The following NAA20 variants were observed in gnomAD, a reference collection of about 807,000 sequenced individuals.
The protein encoded by NAA20 is N-alpha-acetyltransferase 20, NatB catalytic subunit, also known as N-alpha-acetyltransferase 20.
Under a neutral mutation model 23.8 loss-of-function variants are expected in NAA20, and 24 were observed. The observed-to-expected ratio is 1.01, with a 90% confidence interval of 0.73 to 1.42. The LOEUF (loss-of-function observed/expected upper bound fraction) is 1.42. Ranked by LOEUF, NAA20 falls within the 40% of genes most tolerant of loss-of-function variation. The pLI is 0.00. For synonymous variants in NAA20, 83 were observed against 77.7 expected (o/e 1.07, Z -0.36); for missense variants, 166 against 223.1 (o/e 0.74, Z 1.63).
At chr20:20,024,150 C>A (rs138085364) in intron 2 of NAA20, among the ~76,000 whole-genome samples, 43 of 152,332 alleles carry the variant, frequency 2.8e-4, no homozygotes, top group African/African-American at 9.1e-4. Context: ...AAAAAGTTTG[C>A]TAACCCCTGA....
At chr20:20,022,974 A>T (rs6046542) in intron 2 of NAA20, among the ~76,000 whole-genome samples, 38,176 of 152,094 alleles carry the variant, frequency 0.25, 7,388 homozygotes, top group East Asian at 0.72. Flanking sequence ...GGCAGCAGAA[A>T]CAGCAGAGGG....
intron 1 of NAA20, chr20:20,017,960 C>T: frequency 1.9e-6 from 3 of 1,613,794 alleles, no homozygotes; most frequent in South Asian, 2.2e-5. Flanking sequence ...GTGAAGCCCA[C>T]CTGGTGGCCG....
chr20:20,029,798 A>G (rs977070455), intron 4 of NAA20, among the ~76,000 whole-genome samples: 1 of 152,208 alleles, frequency 6.6e-6, no homozygotes, highest in Non-Finnish European at 1.5e-5. Flanking sequence ...TCAAGCCTAT[A>G]GAACAAGAAT....
chr20:20,029,509 C>T (rs545918911), intron 4 of NAA20, among the ~76,000 whole-genome samples: 2 of 151,034 alleles, frequency 1.3e-5, no homozygotes, highest in African/African-American at 4.9e-5. Flanking sequence ...CCCAGCTACT[C>T]GGGAGGCTGA....
At chr20:20,026,059 C>T (rs565203702) in intron 3 of NAA20, among the ~76,000 whole-genome samples, 126 of 152,140 alleles carry the variant, frequency 8.3e-4, no homozygotes, top group African/African-American at 2.9e-3. Context: ...AATCCCAACA[C>T]TTTGGAAGGC....
intron 4 of NAA20, 128 bp from the exon 5 acceptor site, chr20:20,032,380 G>A (rs1313265824): frequency 2.6e-6 from 2 of 764,458 alleles, no homozygotes; most frequent in Non-Finnish European, 4.0e-6. Context: ...CAGCTACAAG[G>A]TCCTATTACT....
At chr20:20,017,498 CCCGGCCCCGCCAGCT>C in intron 1 of NAA20, 49 bp downstream of exon 1, 1 of 1,544,314 alleles carries the variant, frequency 6.5e-7, no homozygotes, top group Non-Finnish European at 8.7e-7. Flanking sequence ...GGCCTCGCTT[CCCGGCCCCGCCAGCT>C]CCGGCCCCAG....
intron 2 of NAA20, among the ~76,000 whole-genome samples, chr20:20,024,325 G>C (rs2043292810): frequency 6.6e-6 from 1 of 152,118 alleles, no homozygotes; most frequent in Non-Finnish European, 1.5e-5. Flanking sequence ...CCATTGTCAG[G>C]ATACAGGCTA....
At chr20:20,024,087 A>G (rs2043290893) in intron 2 of NAA20, among the ~76,000 whole-genome samples, 2 of 152,240 alleles carry the variant, frequency 1.3e-5, no homozygotes, top group South Asian at 4.1e-4. Flanking sequence ...GTAGTTCAGC[A>G]GGGACTGTAT....
At chr20:20,017,545 C>T in intron 1 of NAA20, 96 bp downstream of exon 1, 1 of 1,468,182 alleles carries the variant, frequency 6.8e-7, no homozygotes, top group Non-Finnish European at 9.1e-7. Flanking sequence ...CGGCCGGACC[C>T]CAAGCCCGGA....
chr20:20,033,000 TG>T, intron 5 of NAA20, 101 bp from the exon 6 acceptor site: 2 of 909,702 alleles, frequency 2.2e-6, no homozygotes, highest in South Asian at 1.5e-5. Context: ...TATGGTGAAG[TG>T]GGGGTAGGGA....
In NAA20 at chr20:20,033,362, C is replaced by A. The variant is rs2043362492; in HGVS notation, c.*175C>A. ...TCTCATTGTTTCCAGTTAGCAATAT[C>A]ATACCTATTAAAGCTGTTCATTGTA... On this transcript the variant is annotated 3_prime_UTR_variant, in exon 6 of 6. Transcript: ENST00000334982. 1.8e-6 allele frequency: 1 copy of A among 569,356 alleles called. No homozygotes were observed. Among genetic ancestry groups the A allele is most frequent in the South Asian group, 2.6e-5 (1 of 39,210 alleles). 35.3% of individuals were successfully genotyped at this position (569,356 alleles called of 1,614,324 possible). A position where few individuals can be genotyped will look rare whatever the true frequency, so the allele number is the denominator to read the frequency against.
chr20:20,031,399 C>G (rs2043342828), intron 4 of NAA20, among the ~76,000 whole-genome samples: 2 of 152,128 alleles, frequency 1.3e-5, no homozygotes, highest in South Asian at 4.2e-4. Context: ...AAAAAATTTC[C>G]CAGATTACCA....
chr20:20,031,586 A>C (rs1310727149), intron 4 of NAA20, among the ~76,000 whole-genome samples: 1 of 152,244 alleles, frequency 6.6e-6, no homozygotes, highest in Non-Finnish European at 1.5e-5. Flanking sequence ...ACTGAAGTGA[A>C]GTAACTTTTT....
At chr20:20,017,486 C>A (rs767774325) in intron 1 of NAA20, 37 bp downstream of exon 1, 1 of 1,570,388 alleles carries the variant, frequency 6.4e-7, no homozygotes, top group Non-Finnish European at 8.6e-7. Context: ...CGCTCTTGGC[C>A]GGGCCTCGCT....
chr20:20,029,358 T>C (rs2043327054), intron 4 of NAA20, among the ~76,000 whole-genome samples: 1 of 152,148 alleles, frequency 6.6e-6, no homozygotes, highest in Non-Finnish European at 1.5e-5. Flanking sequence ...GGCTCATGAC[T>C]GTAATCCCAG....
chr20:20,027,660 C>T (rs1601129673), intron 4 of NAA20, among the ~76,000 whole-genome samples: 2 of 152,084 alleles, frequency 1.3e-5, no homozygotes, highest in East Asian at 3.9e-4. Context: ...TTGCTGTTTT[C>T]CCTGAACATT....
chr20:20,026,066 A>C (rs995934297), intron 3 of NAA20, among the ~76,000 whole-genome samples: 1 of 152,182 alleles, frequency 6.6e-6, no homozygotes, highest in Non-Finnish European at 1.5e-5. Flanking sequence ...ACACTTTGGA[A>C]GGCCAAGGCA....
At chr20:20,018,873 G>A in intron 1 of NAA20, 4 of 985,410 alleles carry the variant, frequency 4.1e-6, no homozygotes, top group Non-Finnish European at 4.8e-6. Context: ...GCCCAGGTGA[G>A]AATGAGTAAA....
Sources: gnomAD v4.1 joint callset for allele counts (sites outside exome capture counted in the v4.1 genomes callset) on GRCh38, gnomAD v4.1.1 for gene constraint, MANE v1.5 for transcripts, NCBI Gene and HGNC (gene_info 2026-07-23, HGNC 2026-07-21) for gene names.